The following FAF2 variants were observed in gnomAD, a reference collection of about 807,000 sequenced individuals.
FAF2 encodes Fas associated factor family member 2, also known as FAS-associated factor 2.
Under a neutral mutation model 62.3 loss-of-function variants are expected in FAF2, and 9 were observed. That is an observed-to-expected ratio of 0.14 (90% CI 0.09 to 0.25). The LOEUF is 0.25. Among genes scored for constraint, FAF2 ranks in the 10% least tolerant of loss-of-function variants. FAF2 has a pLI of 1.00. For missense variants in FAF2, 368 were observed against 556.2 expected, an observed-to-expected ratio of 0.66 and a Z score of 3.40; for synonymous variants, 202 against 198.0, an observed-to-expected ratio of 1.02 and a Z score of -0.17.
intron 1 of FAF2, among the ~76,000 whole-genome samples, chr5:176,468,333 C>T (rs1340187611): frequency 6.6e-6 from 1 of 152,116 alleles, no homozygotes; most frequent in Non-Finnish European, 1.5e-5. Flanking sequence ...GCCTATAATC[C>T]CAGCACTTTG....
At chr5:176,478,374 G>C (rs1358865830) in intron 1 of FAF2, among the ~76,000 whole-genome samples, 1 of 152,130 alleles carries the variant, frequency 6.6e-6, no homozygotes, top group Non-Finnish European at 1.5e-5. Context: ...AGCTACTCAG[G>C]AGGCTGAGGC....
chr5:176,457,927 G>A (rs1758304639), intron 1 of FAF2, among the ~76,000 whole-genome samples: 1 of 152,160 alleles, frequency 6.6e-6, no homozygotes, highest in Admixed American at 6.6e-5. Context: ...TAACCCTCTT[G>A]TCATATGCAT....
intron 10 of FAF2, among the ~76,000 whole-genome samples, chr5:176,500,771 G>T (rs566629759): frequency 6.6e-6 from 1 of 151,240 alleles, no homozygotes; most frequent in South Asian, 2.1e-4. Context: ...GTTACTAGAT[G>T]TGTTTCCTTA....
At chr5:176,459,136 C>T (rs747755250) in intron 1 of FAF2, among the ~76,000 whole-genome samples, 1 of 152,050 alleles carries the variant, frequency 6.6e-6, no homozygotes, top group Non-Finnish European at 1.5e-5. Context: ...AATCTCAATC[C>T]CAAAGAGTTT....
At chr5:176,449,310 C>G (rs1045819476) in intron 1 of FAF2, among the ~76,000 whole-genome samples, 5 of 152,224 alleles carry the variant, frequency 3.3e-5, no homozygotes, top group African/African-American at 1.2e-4. Context: ...GGAGCGGTGG[C>G]TCACGCCTGT....
intron 1 of FAF2, among the ~76,000 whole-genome samples, chr5:176,466,377 A>T (rs896477885): frequency 2.1e-4 from 32 of 152,226 alleles, no homozygotes; most frequent in Non-Finnish European, 8.8e-5. Flanking sequence ...GACCTAAAAT[A>T]TGCATTCTTA....
chr5:176,495,845 A>G (rs1759049839), intron 7 of FAF2, among the ~76,000 whole-genome samples: 1 of 152,102 alleles, frequency 6.6e-6, no homozygotes. Flanking sequence ...TTGGAACAGA[A>G]AAACTAACCT....
At chr5:176,488,495 C>T (rs1322881014) in intron 3 of FAF2, among the ~76,000 whole-genome samples, 4 of 152,156 alleles carry the variant, frequency 2.6e-5, no homozygotes, top group Non-Finnish European at 5.9e-5. Context: ...GATCTCAGCT[C>T]ACTGCAACCT....
At chr5:176,460,818 G>A (rs564293678) in intron 1 of FAF2, among the ~76,000 whole-genome samples, 13 of 152,066 alleles carry the variant, frequency 8.5e-5, no homozygotes, top group African/African-American at 1.9e-4. Flanking sequence ...CAGGCATGGC[G>A]GTGTAGGCCT....
In FAF2 at chr5:176,500,091, A is replaced by G. The variant is rs753865513; in HGVS notation, c.1100A>G (p.Lys367Arg). The change falls in exon 10 of 11, where the codon AAA (lysine) becomes AGA (arginine). Residue 367 changes from lysine (K) to arginine (R), a missense_variant. Lys to Arg is a conservative substitution (Grantham distance 26). This residue lies in a region of FAF2 where 37 missense variants were observed against 114.3 expected (regional missense o/e 0.32). Coordinates refer to ENST00000261942, the MANE Select transcript of FAF2 (RefSeq NM_014613.3). ...DDPESVKIIF[K>R]LPNDSRVERR... ...CCTGAAAGTGTCAAGATCATCTTCA[A>G]ATTACCTAATGATTCTCGAGTAGAG... 37 of 1,614,028 alleles carry G rather than the reference A, an allele frequency of 2.3e-5. No individual in the cohort carries two copies. The highest frequency in any genetic ancestry group is 1.9e-5 in the Non-Finnish European group (22 of 1,180,016).
At chr5:176,472,170 TC>T (rs1245736790) in intron 1 of FAF2, among the ~76,000 whole-genome samples, 1 of 151,920 alleles carries the variant, frequency 6.6e-6, no homozygotes, top group Non-Finnish European at 1.5e-5. Context: ...TCACTCCGTC[TC>T]CCAGGCTAGA....
At chr5:176,489,573 T>C (rs777618201) in intron 4 of FAF2, among the ~76,000 whole-genome samples, 8 of 152,286 alleles carry the variant, frequency 5.3e-5, no homozygotes, top group Middle Eastern at 3.4e-3. Flanking sequence ...GCTCTGTCGC[T>C]GTCACCCAGG....
intron 4 of FAF2, 126 bp from the exon 5 acceptor site, chr5:176,492,068 C>T: frequency 9.4e-7 from 1 of 1,061,778 alleles, no homozygotes; most frequent in Non-Finnish European, 1.4e-6. Context: ...ATGGTCCACT[C>T]ACAGACTGTT....
chr5:176,488,838 A>T, intron 3 of FAF2, 113 bp from the exon 4 acceptor site: 1 of 789,436 alleles, frequency 1.3e-6, no homozygotes, highest in Non-Finnish European at 2.2e-6. Context: ...ACTGTACTTT[A>T]GAGGAACAAA....
intron 8 of FAF2, chr5:176,496,936 T>A (rs1755504842): frequency 4.5e-6 from 1 of 224,442 alleles, no homozygotes; most frequent in East Asian, 8.8e-5. Flanking sequence ...GGCAGGAGGA[T>A]TACTTGAATC....
intron 1 of FAF2, among the ~76,000 whole-genome samples, chr5:176,455,709 A>G (rs994443441): frequency 6.6e-6 from 1 of 152,080 alleles, no homozygotes; most frequent in Non-Finnish European, 1.5e-5. Context: ...AGGTCGCACT[A>G]GTGCACTCCA....
chr5:176,454,604 A>G (rs1282855770), intron 1 of FAF2, among the ~76,000 whole-genome samples: 1 of 148,610 alleles, frequency 6.7e-6, no homozygotes, highest in African/African-American at 2.5e-5. Flanking sequence ...AAAAAAAAAA[A>G]AAAAAAATCT....
chr5:176,483,570 A>T (rs888642474), intron 2 of FAF2, among the ~76,000 whole-genome samples: 1 of 152,172 alleles, frequency 6.6e-6, no homozygotes, highest in Admixed American at 6.5e-5. Flanking sequence ...ATATTAGCCA[A>T]ATTTCAAAGT....
chr5:176,506,715 GTGTGTA>G (rs1324434995), intron 10 of FAF2, 47 bp from the exon 11 acceptor site: 416 of 1,363,366 alleles, frequency 3.1e-4, no homozygotes, highest in Non-Finnish European at 4.0e-4. Context: ...GCGTGTGTGT[GTGTGTA>G]TTTCTGTTTT....
Sources: gnomAD v4.1 joint callset for allele counts (sites outside exome capture counted in the v4.1 genomes callset) on GRCh38, gnomAD v4.1.1 for gene constraint, gnomAD v4.1.1 regional missense constraint, MANE v1.5 for transcripts, NCBI Gene and HGNC (gene_info 2026-07-23, HGNC 2026-07-21) for gene names.